RBFOX1: variants seen among roughly 807,000 people sequenced by gnomAD.
RBFOX1 encodes RNA binding protein fox-1 homolog 1.
Under a neutral mutation model 57.7 loss-of-function variants are expected in RBFOX1, and 8 were observed. The observed-to-expected ratio is 0.14, with a 90% CI of 0.08 to 0.25. The LOEUF (loss-of-function observed/expected upper bound fraction) is 0.25, where lower values mean the gene tolerates loss of function less well. Among genes scored for constraint, RBFOX1 ranks in the 10% least tolerant of loss-of-function variants. RBFOX1 has a pLI of 1.00. For synonymous variants in RBFOX1, 326 were observed against 222.4 expected (o/e 1.47, Z -4.15); for missense variants, 611 against 548.5 (o/e 1.11, Z -1.14).
At chr16:5,621,616 G>A (rs925689130) in intron 3 of RBFOX1, among the ~76,000 whole-genome samples, 2 of 152,154 alleles carry the variant, frequency 1.3e-5, no homozygotes, top group African/African-American at 4.8e-5. Flanking sequence ...AATACTATAA[G>A]TGAAGATTAA....
intron 2 of RBFOX1, among the ~76,000 whole-genome samples, chr16:6,463,747 C>T (rs1346654194): frequency 4.6e-5 from 7 of 152,142 alleles, no homozygotes; most frequent in Admixed American, 2.6e-4. Flanking sequence ...GCTTACTAAC[C>T]GCCCCAAGTT....
chr16:5,518,452 G>A (rs1231131551), intron 2 of RBFOX1, among the ~76,000 whole-genome samples: 1 of 152,114 alleles, frequency 6.6e-6, no homozygotes. Flanking sequence ...TTACTACTTG[G>A]CAACAAGGAG....
intron 4 of RBFOX1, among the ~76,000 whole-genome samples, chr16:7,370,192 C>A (rs1036601816): frequency 7.9e-5 from 12 of 152,172 alleles, no homozygotes; most frequent in Non-Finnish European, 8.8e-5. Flanking sequence ...TTATGACAAC[C>A]AAACATTGCC....
intron 1 of RBFOX1, among the ~76,000 whole-genome samples, chr16:6,031,591 G>T (rs553658782): frequency 1.3e-5 from 2 of 152,320 alleles, no homozygotes; most frequent in East Asian, 3.9e-4. Context: ...ATCTCTGTAT[G>T]TGTGCAAACG....
chr16:6,838,481 C>T (rs1177330875), intron 3 of RBFOX1, among the ~76,000 whole-genome samples: 2 of 152,146 alleles, frequency 1.3e-5, no homozygotes, highest in African/African-American at 4.8e-5. Context: ...GAATAACCTG[C>T]CCCTTAATTT....
chr16:6,359,828 TA>T (rs955761196), intron 2 of RBFOX1, among the ~76,000 whole-genome samples: 4 of 152,114 alleles, frequency 2.6e-5, no homozygotes, highest in East Asian at 3.9e-4. Flanking sequence ...TTGGTGATAT[TA>T]AAAAAAATGC....
chr16:6,369,186 T>G (rs548842991), intron 2 of RBFOX1, among the ~76,000 whole-genome samples: 1 of 152,340 alleles, frequency 6.6e-6, no homozygotes, highest in African/African-American at 2.4e-5. Context: ...AGGAAGCAGA[T>G]ACATCTTGTA....
chr16:5,343,008 A>G (rs9940065), intron 1 of RBFOX1, among the ~76,000 whole-genome samples: 9,443 of 152,232 alleles, frequency 0.062, 953 homozygotes, highest in African/African-American at 0.21. Context: ...CATACCACCC[A>G]AGACTAAGTC....
intron 4 of RBFOX1, among the ~76,000 whole-genome samples, chr16:7,226,935 A>G (rs918846091): frequency 2.6e-5 from 4 of 152,174 alleles, no homozygotes; most frequent in Non-Finnish European, 5.9e-5. Context: ...GTATGGATGT[A>G]TTTACAAAAT....
chr16:6,794,035 G>A (rs932554571), intron 3 of RBFOX1, among the ~76,000 whole-genome samples: 1 of 152,120 alleles, frequency 6.6e-6, no homozygotes, highest in Non-Finnish European at 1.5e-5. Context: ...GCACGCTAGG[G>A]AATTTCTATC....
chr16:6,595,305 A>T (rs11077053), intron 2 of RBFOX1, among the ~76,000 whole-genome samples: 57,705 of 152,074 alleles, frequency 0.38, 13,087 homozygotes, highest in Middle Eastern at 0.55. Flanking sequence ...AAATTGAATC[A>T]TGTAATATGT....
At chr16:5,814,868 G>T (rs888719090) in intron 3 of RBFOX1, among the ~76,000 whole-genome samples, 1 of 152,134 alleles carries the variant, frequency 6.6e-6, no homozygotes, top group Non-Finnish European at 1.5e-5. Context: ...AGCGGAGCTT[G>T]CAGTGAGCCG....
At chr16:5,974,040 A>G (rs1023803305) in intron 4 of RBFOX1, among the ~76,000 whole-genome samples, 2 of 152,238 alleles carry the variant, frequency 1.3e-5, no homozygotes, top group Non-Finnish European at 2.9e-5. Flanking sequence ...AGAGATGATC[A>G]TCGTATCTAC....
intron 1 of RBFOX1, among the ~76,000 whole-genome samples, chr16:6,090,476 A>T (rs1221384878): frequency 6.6e-6 from 1 of 152,192 alleles, no homozygotes; most frequent in African/African-American, 2.4e-5. Flanking sequence ...TGAAACCAAG[A>T]TATGAACCAT....
intron 1 of RBFOX1, among the ~76,000 whole-genome samples, chr16:5,302,831 C>A (rs2063838172): frequency 6.6e-6 from 1 of 152,106 alleles, no homozygotes; most frequent in Non-Finnish European, 1.5e-5. Context: ...TGTATTTAAA[C>A]TGTGTTTCTT....
At chr16:7,266,115 C>G (rs1384558054) in intron 4 of RBFOX1, among the ~76,000 whole-genome samples, 6 of 151,922 alleles carry the variant, frequency 3.9e-5, no homozygotes, top group Admixed American at 6.6e-5. Flanking sequence ...GCTGGGACTA[C>G]AGGCGCTCGC....
intron 3 of RBFOX1, among the ~76,000 whole-genome samples, chr16:5,768,730 G>C (rs1347116646): frequency 1.3e-5 from 2 of 152,166 alleles, no homozygotes; most frequent in Admixed American, 1.3e-4. Flanking sequence ...GTTGAAACAG[G>C]AGGTCAGGCC....
chr16:7,685,424 C>G (rs1329852122), intron 14 of RBFOX1, among the ~76,000 whole-genome samples: 1 of 152,058 alleles, frequency 6.6e-6, no homozygotes, highest in Non-Finnish European at 1.5e-5. Flanking sequence ...GTTATTTATG[C>G]TAACATCGTG....
At chr16:6,156,432 G>T (rs2096838906) in intron 1 of RBFOX1, among the ~76,000 whole-genome samples, 2 of 152,218 alleles carry the variant, frequency 1.3e-5, no homozygotes, top group African/African-American at 4.8e-5. Flanking sequence ...CCAGTGATTT[G>T]TCTTGGATGA....
Sources: allele counts gnomAD v4.1 joint callset (sites outside exome capture counted in the v4.1 genomes callset), GRCh38; gene constraint gnomAD v4.1.1; transcripts MANE v1.5; gene names NCBI Gene and HGNC (gene_info 2026-07-23, HGNC 2026-07-21).